The following LIFR variants were observed in gnomAD, a reference collection of about 807,000 sequenced individuals.
LIFR encodes the protein leukemia inhibitory factor receptor.
Under a neutral mutation model 122.2 loss-of-function variants are expected in LIFR, and 84 were observed. That is an observed-to-expected ratio of 0.69 (90% CI 0.58 to 0.82). The LOEUF is 0.82. LIFR is among the 40% of genes least tolerant of loss of function. LIFR has a pLI of 0.00. For missense variants in LIFR, 1,294 were observed against 1,311.6 expected (o/e 0.99, Z 0.21); for synonymous variants, 422 against 434.7 (o/e 0.97, Z 0.36).
chr5:38,533,584 T>C (rs1390459350), intron 1 of LIFR, among the ~76,000 whole-genome samples: 1 of 152,166 alleles, frequency 6.6e-6, no homozygotes, highest in Non-Finnish European at 1.5e-5. Flanking sequence ...CGAAGAAAAT[T>C]AGAAAAAAAG....
rs1376847261 is a variant in LIFR, at chr5:38,527,135, G to C, written c.397+20C>G. 2 of 1,562,100 alleles carry C rather than the reference G, an allele frequency of 1.3e-6. No homozygotes were observed. The highest frequency in any genetic ancestry group is 3.5e-5 in the Admixed American group (2 of 56,540). On this transcript the variant is annotated intron_variant, in intron 4 of 19. Transcript: ENST00000453190. ...GACACTTGACTTACTTTAAAATTGAGTTTGTTTTCAAATACTTACAAACGT... is the reference window on the plus strand; with the variant it reads ...GACACTTGACTTACTTTAAAATTGACTTTGTTTTCAAATACTTACAAACGT...
intron 5 of LIFR, among the ~76,000 whole-genome samples, chr5:38,520,768 C>A (rs3110967): frequency 0.046 from 6,953 of 152,242 alleles, 557 homozygotes; most frequent in African/African-American, 0.16. Flanking sequence ...TTTCTGGATT[C>A]TCTACTCTGT....
Position 38,527,169 on chromosome 5 carries a change from T to C in LIFR, c.383A>G (p.Asn128Ser). The part of the protein sequence containing the change: ...FGSSTSKFTL[N>S]EQNVSLIPDT... ...CAAATACTTACAAACGTTTTGTTCATTTAGTGTGAATTTACTTGTAGAACT... is the reference window on the plus strand; with the variant it reads ...CAAATACTTACAAACGTTTTGTTCACTTAGTGTGAATTTACTTGTAGAACT... The change falls in exon 4 of 20, where the codon AAT (asparagine) becomes AGT (serine). Residue 128 changes from asparagine (N) to serine (S), a missense_variant. By Grantham distance (46) the Asn-to-Ser change is conservative. Transcript: ENST00000453190. The C allele has an allele frequency of 6.3e-7, 1 of 1,593,794 alleles. No homozygotes were observed. The highest frequency in any genetic ancestry group is 8.6e-7 in the Non-Finnish European group (1 of 1,163,548).
rs1287349393 is a variant in LIFR, at chr5:38,528,732, T to C, written c.251A>G (p.Glu84Gly). Residue 84 changes from glutamate to glycine, a missense_variant, in exon 3 of 20, where the codon GAA becomes GGA. Transcript: ENST00000453190. ...GRGTDYEVCI[E>G]NRSRSCYQLE... ...TAAAGTAAATTAAAATTACCTGTTTTCAATGCAAACTTCATAATCAGTACC... is the reference window on the plus strand; with the variant it reads ...TAAAGTAAATTAAAATTACCTGTTTCCAATGCAAACTTCATAATCAGTACC... 2 of 1,571,156 alleles carry C rather than the reference T, an allele frequency of 1.3e-6. No individual in the cohort carries two copies. Among genetic ancestry groups the C allele is most frequent in the East Asian group, 4.6e-5 (2 of 43,582 alleles).
intron 1 of LIFR, among the ~76,000 whole-genome samples, chr5:38,590,694 T>C (rs1406745416): frequency 6.6e-6 from 1 of 152,202 alleles, no homozygotes; most frequent in East Asian, 1.9e-4. Context: ...TTCCAAGCTC[T>C]TTGCAAGTAT....
Position 38,476,050 on chromosome 5 carries a change from T to A in LIFR, c.*5545A>T, listed in dbSNP as rs1187965466. 5.0e-6 allele frequency: 1 copy of A among 199,410 alleles called. No homozygotes were observed. Among genetic ancestry groups the A allele is most frequent in the African/African-American group, 2.3e-5 (1 of 43,528 alleles). 12.4% of individuals were successfully genotyped at this position (199,410 alleles called of 1,614,324 possible). On this transcript the variant is annotated 3_prime_UTR_variant, in exon 20 of 20. Transcript: ENST00000453190. ...TGAAAGGTTTCTTTTTCGTGTTGTC[T>A]CCCGCTACTCACAATGTTATTCATA...
Position 38,481,941 on chromosome 5 carries a change from G to C in LIFR, c.2948C>G (p.Pro983Arg), listed in dbSNP as rs146856673. 6.3e-4 allele frequency: 1,023 copies of C among 1,614,106 alleles called. 1 individual carries two copies. The highest frequency in any genetic ancestry group is 7.6e-4 in the Non-Finnish European group (898 of 1,180,030). The change falls in exon 20 of 20, where the codon CCT (proline) becomes CGT (arginine). Residue 983 changes from proline to arginine, a missense_variant. Physicochemically the swap from Pro to Arg is moderately radical, Grantham distance 103. Coordinates refer to ENST00000453190, the MANE Select transcript of LIFR (RefSeq NM_001127671.2). ...IYIDVQSMYQ[P>R]QAKPEEEQEN... The stretch of plus-strand genomic sequence containing the variant: ...TTGTTCTTCTTCTGGTTTTGCTTGA[G>C]GCTGATACATCGACTGAACATCAAT...
intron 1 of LIFR, among the ~76,000 whole-genome samples, chr5:38,578,544 A>G (rs1258247089): frequency 6.7e-6 from 1 of 149,612 alleles, no homozygotes; most frequent in African/African-American, 2.5e-5. Context: ...GGTAACTACT[A>G]GACACTATTT....
chr5:38,490,593 T>C (rs745507183), intron 14 of LIFR: 9 of 177,816 alleles, frequency 5.1e-5, no homozygotes, highest in South Asian at 2.9e-4. Flanking sequence ...GAAATCATCA[T>C]TGCTTGATTT....
At chr5:38,558,037 T>C (rs1265640455), upstream of LIFR, 1 of 152,190 alleles carries the variant, frequency 6.6e-6, no homozygotes, top group African/African-American at 2.4e-5. Context: ...TTAGGCACAG[T>C]GCCTAAGGTC....
chr5:38,538,549 C>G (rs1425335468), intron 1 of LIFR, among the ~76,000 whole-genome samples: 4 of 152,176 alleles, frequency 2.6e-5, no homozygotes, highest in African/African-American at 4.8e-5. Flanking sequence ...TCTTGTAGCC[C>G]CGTCTTAGCC....
At chr5:38,530,933 A>G (rs1580126492) in intron 1 of LIFR, 2 of 376,620 alleles carry the variant, frequency 5.3e-6, no homozygotes, top group East Asian at 1.0e-4. Flanking sequence ...AAATTACAAC[A>G]AAATTATAAG....
intron 16 of LIFR, among the ~76,000 whole-genome samples, chr5:38,486,525 AACT>A (rs1408298786): frequency 1.3e-5 from 2 of 152,188 alleles, no homozygotes; most frequent in Admixed American, 6.5e-5. Context: ...GAATCATTTG[AACT>A]ACTATTTTAT....
chr5:38,527,668 C>T (rs1461652953), intron 3 of LIFR, among the ~76,000 whole-genome samples: 2 of 152,144 alleles, frequency 1.3e-5, no homozygotes, highest in East Asian at 1.9e-4. Flanking sequence ...TGATGTTCAA[C>T]GGATGCTGAT....
chr5:38,598,231 T>G (rs1750149595), upstream of LIFR, among the ~76,000 whole-genome samples: 3 of 41,876 alleles, frequency 7.2e-5, no homozygotes, highest in Non-Finnish European at 1.3e-4. Context: ...TTTTTTTTTT[T>G]TATTTATTTA....
At chr5:38,553,433 G>C (rs1236984742) in intron 1 of LIFR, among the ~76,000 whole-genome samples, 1 of 151,412 alleles carries the variant, frequency 6.6e-6, no homozygotes, top group African/African-American at 2.4e-5. Context: ...TGAGATTATA[G>C]CAGGGTCTGT....
At chr5:38,535,431 AC>A (rs1375637385) in intron 1 of LIFR, among the ~76,000 whole-genome samples, 1 of 151,992 alleles carries the variant, frequency 6.6e-6, no homozygotes, top group Non-Finnish European at 1.5e-5. Context: ...GCCAAATCTT[AC>A]CCGCCTCTTG....
chr5:38,575,559 T>C (rs1197552639), intron 1 of LIFR, among the ~76,000 whole-genome samples: 2 of 152,210 alleles, frequency 1.3e-5, no homozygotes, highest in Admixed American at 6.5e-5. Flanking sequence ...CTGAATTGTT[T>C]AAAGTCTAAA....
chr5:38,599,314 T>C (rs938680398), upstream of LIFR, among the ~76,000 whole-genome samples: 7 of 152,214 alleles, frequency 4.6e-5, no homozygotes, highest in African/African-American at 1.7e-4. Context: ...GCATTTTCAA[T>C]AGAGTGACCC....
Sources: gnomAD v4.1 joint callset for allele counts (sites outside exome capture counted in the v4.1 genomes callset) on GRCh38, gnomAD v4.1.1 for gene constraint, MANE v1.5 for transcripts, NCBI Gene and HGNC (gene_info 2026-07-23, HGNC 2026-07-21) for gene names.